FLII: variants seen among roughly 807,000 people sequenced by gnomAD.
FLII encodes the protein FLII actin remodeling protein, also known as protein flightless-1 homolog.
In FLII, 101 loss-of-function variants were observed where a neutral mutation model predicts 156.2. The ratio of observed to expected loss-of-function variants is 0.65; its 90% CI spans 0.55 to 0.76. The LOEUF (loss-of-function observed/expected upper bound fraction) is 0.76. FLII is among the 30% of genes least tolerant of loss of function. The pLI is 0.00. For missense variants in FLII, 1,675 were observed against 1,682.8 expected (o/e 1.00, Z 0.08); for synonymous variants, 767 against 685.8 (o/e 1.12, Z -1.85).
chr17:18,255,466 A>G (rs763171879), intron 3 of FLII, among the ~76,000 whole-genome samples: 5 of 152,108 alleles, frequency 3.3e-5, no homozygotes, highest in Non-Finnish European at 7.4e-5. Flanking sequence ...CTCAAAGCCC[A>G]GCTCAAATGT....
In FLII at chr17:18,252,003, T is replaced by G; in HGVS notation, c.1242A>C (p.Ala414=). ...GASPATVAAA[A]AAGSGPKDPM... ...GCCAGACCTTTCCCCACTCACCAGC[T>G]GCAGCTGCAGCCACGGTAGCAGGAG... Residue 414 remains alanine, a synonymous_variant, in exon 11 of 30, where the codon GCA becomes GCC. Coordinates refer to ENST00000327031, the MANE Select transcript of FLII (RefSeq NM_002018.4). 1.2e-6 allele frequency: 2 copies of G among 1,612,792 alleles called. No homozygotes were observed. Among genetic ancestry groups the G allele is most frequent in the Non-Finnish European group, 1.7e-6 (2 of 1,179,606 alleles).
At position 18,245,200 on chromosome 17, in the gene FLII, C is replaced by G. The variant is rs774869065; in HGVS notation, c.3748G>C (p.Glu1250Gln). ...AAGCAGCGGGTAAAGGCGTGCTGCT[C>G]ATTGCCCTTGCGGACCAGGCGCAGC... ...RRLRLVRKGN[E>Q]QHAFTRCFHA... The change falls in exon 30 of 30, where the codon GAG becomes CAG. Residue 1250 changes from glutamate to glutamine, a missense_variant. By Grantham distance (29) the Glu-to-Gln change is conservative. Coordinates refer to ENST00000327031, the MANE Select transcript of FLII (RefSeq NM_002018.4). 1.2e-6 allele frequency: 2 copies of G among 1,613,976 alleles called. No individual in the cohort carries two copies. Among genetic ancestry groups the G allele is most frequent in the Non-Finnish European group, 1.7e-6 (2 of 1,179,972 alleles).
chr17:18,255,647 C>T lies in FLII; in HGVS notation c.247-384G>A, dbSNP rs547427360. ...AGAATCTGGATGGAGAGGAAGTCTG[C>T]TTTCTCTCCCTAACTTAAGACTGAC... On this transcript the variant is annotated intron_variant, in intron 3 of 29. Transcript: ENST00000327031. 2.6e-5 allele frequency among the ~76,000 whole-genome samples: 4 copies of T among 152,208 alleles called. No individual in the cohort carries two copies. In the East Asian group the frequency reaches 7.7e-4, roughly 29 times the overall value.
At position 18,247,238 on chromosome 17, in the gene FLII, C is replaced by A. The variant is rs1274272639; in HGVS notation, c.2607G>T (p.Lys869Asn). 1 of 1,603,324 alleles carries A rather than the reference C, an allele frequency of 6.2e-7. No individual in the cohort carries two copies. Among genetic ancestry groups the A allele is most frequent in the Admixed American group, 1.7e-5 (1 of 59,414 alleles). Reference protein sequence around the residue: ...LSGKVKRDAEKKDQMKADLTA... With the variant: ...LSGKVKRDAENKDQMKADLTA... The stretch of plus-strand genomic sequence containing the variant: ...TGAGGTCAGCCTTCATCTGGTCTTT[C>A]TTCTCGGCGTCGCGTTTCACCTTCC... The change falls in exon 21 of 30, where the codon AAG (lysine) becomes AAT (asparagine). Residue 869 changes from lysine to asparagine, a missense_variant. Physicochemically the swap from Lys to Asn is moderately conservative, Grantham distance 94 (BLOSUM62 0). This residue lies in a region of FLII where 1,332 missense variants were observed against 1,269.3 expected (regional missense o/e 1.05). Coordinates refer to ENST00000327031, the MANE Select transcript of FLII (RefSeq NM_002018.4).
intron 14 of FLII, among the ~76,000 whole-genome samples, chr17:18,249,838 G>A (rs923764132): frequency 6.6e-6 from 1 of 151,448 alleles, no homozygotes; most frequent in African/African-American, 2.4e-5. Flanking sequence ...AACAGATCTG[G>A]CTGGGCACGG....
intron 12 of FLII, 50 bp from the exon 13 acceptor site, chr17:18,251,527 C>CCTTTG: frequency 6.4e-7 from 1 of 1,570,512 alleles, no homozygotes; most frequent in Non-Finnish European, 8.7e-7. Context: ...GCCACTCAGG[C>CCTTTG]CAGTCTTTAC....
rs142683667 is a variant in FLII, at chr17:18,251,319, C to T, written c.1542G>A (p.Val514=). Residue 514 remains valine (V), a synonymous_variant, in exon 13 of 30, where the codon GTG becomes GTA. Transcript: ENST00000327031. ...AGAACTTGCCGTGGAAGGCTTCCTC[C>T]ACCAGCACAGGCACGAAGTTCTCTA... The part of the protein sequence containing the change: ...WQIENFVPVL[V]EEAFHGKFYE... The T allele has an allele frequency of 1.9e-4, 301 of 1,614,000 alleles. 3 individuals are homozygous for T. The East Asian group carries it at 5.8e-3, about 31-fold the overall frequency.
chr17:18,254,283 G>A (rs534189228), intron 6 of FLII, 101 bp from the exon 7 acceptor site: 1 of 977,784 alleles, frequency 1.0e-6, no homozygotes, highest in African/African-American at 1.6e-5. Context: ...CCAGAGGGTA[G>A]GTGTGAGGTC....
rs77185656 is a variant in FLII, at chr17:18,246,975, C to T, written c.2754G>A (p.Ala918=). 5 of 1,614,030 alleles carry T rather than the reference C, an allele frequency of 3.1e-6. No homozygotes were observed. The African/African-American group carries it at 5.3e-5, about 17-fold the overall frequency. Residue 918 remains alanine, a synonymous_variant, in exon 22 of 30, where the codon GCG becomes GCA. Transcript: ENST00000327031. ...GGCCAAACTCCTCTTCCGGCAGCCG[C>T]GCAAACTTCTTGCCCTCCAGCACGA... ...EGFVLEGKKF[A]RLPEEEFGHF...
In FLII at chr17:18,251,292, G is replaced by A. The variant is rs758162782; in HGVS notation, c.1569C>T (p.Tyr523=). 113 of 1,613,866 alleles carry A rather than the reference G, an allele frequency of 7.0e-5. No individual in the cohort carries two copies. Among genetic ancestry groups the A allele is most frequent in the Non-Finnish European group, 9.0e-5 (106 of 1,180,042 alleles). The change falls in exon 13 of 30, where the codon TAC becomes TAT. Residue 523 remains tyrosine, a synonymous_variant. Transcript: ENST00000327031. Reference sequence around the variant, plus strand: ...TGAGCACAATGTAGCAGTCAGCCTCGTAGAACTTGCCGTGGAAGGCTTCCT... The same window carrying A: ...TGAGCACAATGTAGCAGTCAGCCTCATAGAACTTGCCGTGGAAGGCTTCCT... ...LVEEAFHGKF[Y]EADCYIVLKT... is the part of the protein sequence containing the mutation.
Position 18,247,372 on chromosome 17 carries a change from A to T in FLII, c.2488-15T>A. On this transcript the variant is annotated splice_polypyrimidine_tract_variant and intron_variant, in intron 20 of 29. Coordinates refer to ENST00000327031, the MANE Select transcript of FLII (RefSeq NM_002018.4). ...GCCTTGAACACCTGCCAGGGAGGCC[A>T]TCAACTAACCATGAGGGGTGCGGCA... is the stretch of plus-strand genomic sequence containing the variant. 6.3e-7 allele frequency: 1 copy of T among 1,593,838 alleles called. No individual in the cohort carries two copies. Among genetic ancestry groups the T allele is most frequent in the Admixed American group, 1.8e-5 (1 of 55,806 alleles).
chr17:18,248,087 CCA>C, intron 18 of FLII, 54 bp from the exon 19 acceptor site: 5 of 1,253,782 alleles, frequency 4.0e-6, no homozygotes, highest in Non-Finnish European at 5.8e-6. Flanking sequence ...GGAACCTCAC[CCA>C]CACAGCCCTC....
Position 18,252,475 on chromosome 17 carries a change from G to A in FLII, c.1095C>T (p.Ile365=), listed in dbSNP as rs775311460. The A allele has an allele frequency of 5.0e-6, 8 of 1,613,476 alleles. No individual in the cohort carries two copies. The highest frequency in any genetic ancestry group is 4.5e-5 in the East Asian group (2 of 44,874). Residue 365 remains isoleucine (I), a synonymous_variant, in exon 10 of 30, where the codon ATC becomes ATT. Coordinates refer to ENST00000327031, the MANE Select transcript of FLII (RefSeq NM_002018.4). ...LPEAIHFLTE[I]EVLDVRENPN... is the part of the protein sequence containing the mutation. Reference sequence around the variant, plus strand: ...TCTCAAACCCAGCATGCCTGACCTCGATCTCCGTCAGGAAATGGATGGCTT... The same window carrying A: ...TCTCAAACCCAGCATGCCTGACCTCAATCTCCGTCAGGAAATGGATGGCTT...
Position 18,253,535 on chromosome 17 carries a change from CA to C in FLII, c.855+8del. 1 of 1,613,026 alleles carries C rather than the reference CA, an allele frequency of 6.2e-7. No homozygotes were observed. The highest frequency in any genetic ancestry group is 1.1e-5 in the South Asian group (1 of 91,078). On this transcript the variant is annotated splice_region_variant and intron_variant, in intron 8 of 29. Transcript: ENST00000327031. ...CCTCCCATCCCCCTACTGAGGGCCT[CA>C]GACGCACGGGCAGTGAGGTGAGCTG...
Position 18,253,696 on chromosome 17 carries a change from G to A in FLII, c.703C>T (p.Leu235=). Residue 235 remains leucine, a synonymous_variant, in exon 8 of 30, where the codon CTG becomes TTG. Transcript: ENST00000327031. ...TACAGACACTCGGGCACCCGTGTCAGGTCATTGCAGGACAGATCCACGTCT... is the reference window on the plus strand; with the variant it reads ...TACAGACACTCGGGCACCCGTGTCAAGTCATTGCAGGACAGATCCACGTCT... ...LADVDLSCND[L]TRVPECLYTL... 4 of 1,612,686 alleles carry A rather than the reference G, an allele frequency of 2.5e-6. No homozygotes were observed. The highest frequency in any genetic ancestry group is 3.4e-6 in the Non-Finnish European group (4 of 1,179,746).
rs1323420585 is a variant in FLII, at chr17:18,245,588, A to G, written c.3576T>C (p.Asp1192=). 6.2e-6 allele frequency: 10 copies of G among 1,613,858 alleles called. No homozygotes were observed. The South Asian group carries it at 1.1e-4, about 18-fold the overall frequency. The change falls in exon 28 of 30, where the codon GAT becomes GAC. Residue 1192 remains aspartate, a synonymous_variant. Coordinates refer to ENST00000327031, the MANE Select transcript of FLII (RefSeq NM_002018.4). ...CATTGTCTAGCAACATGATGTCATC[A>G]TCTGCCAGGTCATCTTGGCAAAAGT... ...CSDFCQDDLA[D]DDIMLLDNGQ...
At chr17:18,254,971 G>C (rs779732949) in intron 4 of FLII, 117 bp from the exon 5 acceptor site, 14 of 1,068,750 alleles carry the variant, frequency 1.3e-5, no homozygotes, top group Non-Finnish European at 2.0e-5. Context: ...GGGGGCTTCA[G>C]GGCCAAAGGG....
intron 9 of FLII, 108 bp from the exon 10 acceptor site, chr17:18,252,664 G>A (rs1188106645): frequency 1.2e-6 from 1 of 825,238 alleles, no homozygotes; most frequent in Non-Finnish European, 2.1e-6. Context: ...CAGAGGAACT[G>A]GCGGGGGTCT....
upstream of FLII, chr17:18,258,758 G>C: frequency 8.6e-7 from 1 of 1,157,086 alleles, no homozygotes; most frequent in East Asian, 3.4e-5. The surrounding 1 kb of genome is among the most constrained non-coding windows in gnomAD (Gnocchi z 4.2). Flanking sequence ...GGGGGGAGCC[G>C]CGGGCTGGGC....
Sources: allele counts gnomAD v4.1 joint callset (sites outside exome capture counted in the v4.1 genomes callset), GRCh38; gene constraint gnomAD v4.1.1; regional missense constraint gnomAD v4.1.1; non-coding constraint Gnocchi (gnomAD v3.1); transcripts MANE v1.5; gene names NCBI Gene and HGNC (gene_info 2026-07-23, HGNC 2026-07-21).